Variants in GLCCI1 observed in about 807,000 individuals in gnomAD.
GLCCI1 encodes the protein glucocorticoid-induced transcript 1 protein.
Under a neutral mutation model 52.2 loss-of-function variants are expected in GLCCI1, and 24 were observed. That is an observed-to-expected ratio of 0.46 (90% CI 0.33 to 0.65). The LOEUF is 0.65. Among genes scored for constraint, GLCCI1 ranks in the 30% least tolerant of loss-of-function variants. The pLI is 0.02. For missense variants in GLCCI1, 704 were observed against 701.5 expected (o/e 1.00, Z -0.04); for synonymous variants, 310 against 276.5 (o/e 1.12, Z -1.20).
Position 8,032,895 on chromosome 7 carries a change from A to G in GLCCI1, c.696+10326A>G, listed in dbSNP as rs926872468. On this transcript the variant is annotated intron_variant, in intron 3 of 7. Coordinates refer to ENST00000223145, the MANE Select transcript of GLCCI1 (RefSeq NM_138426.4). ...ATAGAAAAGGAGGGAACACTCTCCA[A>G]TTTATTTTTTCAGGTCATAAGTACT... Among the ~76,000 whole-genome samples the G allele has an allele frequency of 9.9e-5, 15 of 152,182 alleles. No individual in the cohort carries two copies. The East Asian group carries it at 1.7e-3, about 18-fold the overall frequency.
chr7:8,074,769 G>T (rs893750973), intron 6 of GLCCI1, among the ~76,000 whole-genome samples: 4 of 152,098 alleles, frequency 2.6e-5, no homozygotes, highest in African/African-American at 9.7e-5. Context: ...AGACATAAAA[G>T]GAAGCTGTAT....
At chr7:7,985,546 A>AAAG (rs1780706470) in intron 1 of GLCCI1, among the ~76,000 whole-genome samples, 1 of 136,666 alleles carries the variant, frequency 7.3e-6, no homozygotes, top group South Asian at 2.3e-4. Flanking sequence ...TAAGTTAAAA[A>AAAG]AAAACCAGTG....
At chr7:8,080,850 T>C (rs1337927453) in intron 6 of GLCCI1, among the ~76,000 whole-genome samples, 1 of 150,910 alleles carries the variant, frequency 6.6e-6, no homozygotes, top group Non-Finnish European at 1.5e-5. Context: ...GGTTTTTTTT[T>C]TTTTTTTGTA....
chr7:8,054,641 C>G (rs920079831), intron 3 of GLCCI1, among the ~76,000 whole-genome samples: 3 of 151,958 alleles, frequency 2.0e-5, no homozygotes, highest in Admixed American at 6.6e-5. Context: ...TTGTATCTCT[C>G]TGGGCTCATT....
At chr7:8,079,956 C>G (rs897498266) in intron 6 of GLCCI1, among the ~76,000 whole-genome samples, 3 of 151,468 alleles carry the variant, frequency 2.0e-5, no homozygotes, top group Admixed American at 6.6e-5. Context: ...CATTACAATT[C>G]TTTAGTATTC....
intron 1 of GLCCI1, among the ~76,000 whole-genome samples, chr7:7,989,711 A>T (rs143943011): frequency 6.6e-6 from 1 of 152,108 alleles, no homozygotes; most frequent in Non-Finnish European, 1.5e-5. Flanking sequence ...TTGTAAGTAG[A>T]TATACTAGGT....
chr7:8,078,308 G>A (rs1365355432), intron 6 of GLCCI1, among the ~76,000 whole-genome samples: 1 of 150,952 alleles, frequency 6.6e-6, no homozygotes, highest in Non-Finnish European at 1.5e-5. Flanking sequence ...GTCAGCTAAA[G>A]GATAGGACCA....
Position 8,022,524 on chromosome 7 carries a change from A to T in GLCCI1, c.651A>T (p.Ser217=). The change falls in exon 3 of 8, where the codon TCA becomes TCT. Residue 217 remains serine, a synonymous_variant. Coordinates refer to ENST00000223145, the MANE Select transcript of GLCCI1 (RefSeq NM_138426.4). The part of the protein sequence containing the change: ...CWAEEGAEKR[S]HQRSASWGSA... ...CAGAAGAGGGTGCAGAAAAGAGGTC[A>T]CATCAGCGTTCTGCGTCATGGGGGA... is the stretch of plus-strand genomic sequence containing the variant. 6.3e-7 allele frequency: 1 copy of T among 1,586,848 alleles called. No homozygotes were observed. The highest frequency in any genetic ancestry group is 1.1e-5 in the South Asian group (1 of 87,300).
At chr7:8,077,133 G>A (rs115288394) in intron 6 of GLCCI1, among the ~76,000 whole-genome samples, 2,703 of 152,298 alleles carry the variant, frequency 0.018, 71 homozygotes, top group African/African-American at 0.061. Context: ...CCTTCTTGCT[G>A]TTGGTCATGC....
intron 1 of GLCCI1, among the ~76,000 whole-genome samples, chr7:7,975,617 A>G (rs369117041): frequency 1.3e-5 from 2 of 152,208 alleles, no homozygotes; most frequent in Admixed American, 6.5e-5. Flanking sequence ...TTTTGTTTCC[A>G]TGGCACTATT....
chr7:8,070,970 G>A lies in GLCCI1; in HGVS notation c.1016G>A (p.Arg339Gln), dbSNP rs1199612007. ...AGAGCTCCACTTCCTGCTCATTACC[G>A]GAGCAGTAGTACTCGCAGCATTGAC... is the stretch of plus-strand genomic sequence containing the variant. Reference protein sequence around the residue: ...GRRAPLPAHYRSSSTRSIDTQ... With the variant: ...GRRAPLPAHYQSSSTRSIDTQ... The change falls in exon 6 of 8, where the codon CGG becomes CAG. Residue 339 changes from arginine (R) to glutamine (Q), a missense_variant. Physicochemically the swap from Arg to Gln is conservative, Grantham distance 43 (BLOSUM62 1). Around this residue, in one of 3 missense-constraint regions of GLCCI1, gnomAD observed 547 missense variants for 524.8 expected, o/e 1.04. Transcript: ENST00000223145. The A allele has an allele frequency of 8.7e-6, 14 of 1,613,902 alleles. No homozygotes were observed. The highest frequency in any genetic ancestry group is 5.3e-5 in the African/African-American group (4 of 74,862).
chr7:8,004,170 C>G, intron 2 of GLCCI1, 111 bp downstream of exon 2: 1 of 985,704 alleles, frequency 1.0e-6, no homozygotes, highest in Non-Finnish European at 1.5e-6. Context: ...TACATCCAAC[C>G]AAGGAAGAAA....
chr7:8,059,723 C>A (rs1782473722), intron 4 of GLCCI1, among the ~76,000 whole-genome samples: 1 of 152,150 alleles, frequency 6.6e-6, no homozygotes, highest in Admixed American at 6.5e-5. Context: ...TCATACAGAG[C>A]TATACAGTAG....
At position 8,087,293 on chromosome 7, in the gene GLCCI1, T is replaced by C. The variant is rs1441863068; in HGVS notation, c.*755T>C. 1 of 152,670 alleles carries C rather than the reference T, an allele frequency of 6.6e-6. No individual in the cohort carries two copies. The highest frequency in any genetic ancestry group is 1.9e-4 in the East Asian group (1 of 5,202). 9.5% of individuals were successfully genotyped at this position (152,670 alleles called of 1,614,324 possible). A position where few individuals can be genotyped will look rare whatever the true frequency, so the allele number is the denominator to read the frequency against. On this transcript the variant is annotated 3_prime_UTR_variant, in exon 8 of 8. Transcript: ENST00000223145. ...CAAAATCTGTGGTGTTTGACATCAC[T>C]TTGTCATGTGGTTACAAGTAAAACA...
chr7:8,048,693 T>C (rs900474933), intron 3 of GLCCI1, among the ~76,000 whole-genome samples: 1 of 152,216 alleles, frequency 6.6e-6, no homozygotes, highest in Non-Finnish European at 1.5e-5. Context: ...TACTCTTTCA[T>C]AGATGCTAGC....
chr7:8,072,233 G>C (rs1327468202), intron 6 of GLCCI1, among the ~76,000 whole-genome samples: 3 of 152,052 alleles, frequency 2.0e-5, no homozygotes, highest in East Asian at 3.8e-4. Flanking sequence ...TGAATAATGT[G>C]GTATATATTC....
intron 1 of GLCCI1, chr7:7,980,818 C>A: frequency 2.9e-6 from 2 of 689,328 alleles, no homozygotes; most frequent in Non-Finnish European, 2.7e-6. Context: ...ATAAATGAGA[C>A]CTTTGTTGAC....
chr7:8,038,505 A>G (rs1042727371), intron 3 of GLCCI1, among the ~76,000 whole-genome samples: 2 of 152,206 alleles, frequency 1.3e-5, no homozygotes, highest in Non-Finnish European at 2.9e-5. Flanking sequence ...ATGCTGGGGA[A>G]AGTACACTCT....
chr7:8,086,534 T>C lies in GLCCI1; in HGVS notation c.1640T>C (p.Ile547Thr). Residue 547 changes from isoleucine (I) to threonine (T), a missense_variant, in exon 8 of 8, where the codon ATC (isoleucine) becomes ACC (threonine). Transcript: ENST00000223145. This position sits in a 1 kb window ranked among gnomAD's most constrained non-coding sequence, Gnocchi z 4.4. ...ATCTCTGCTCAGAACTATGTGATCA[T>C]CTAAAAAAGGGGGAGCTGGCCTCCA... ...DHISAQNYVI[I>T] is the part of the protein sequence containing the mutation. The C allele has an allele frequency of 6.3e-7, 1 of 1,577,654 alleles. No homozygotes were observed. The highest frequency in any genetic ancestry group is 8.6e-7 in the Non-Finnish European group (1 of 1,164,550).
Sources: allele counts gnomAD v4.1 joint callset (sites outside exome capture counted in the v4.1 genomes callset), GRCh38; gene constraint gnomAD v4.1.1; regional missense constraint gnomAD v4.1.1; non-coding constraint Gnocchi (gnomAD v3.1); transcripts MANE v1.5; gene names NCBI Gene and HGNC (gene_info 2026-07-23, HGNC 2026-07-21).